Variants in MNT observed in about 807,000 individuals in gnomAD.
The protein encoded by MNT is max-binding protein MNT.
Under a neutral mutation model 40.7 loss-of-function variants are expected in MNT, and 13 were observed. That is an observed-to-expected ratio of 0.32 (90% CI 0.21 to 0.51). The LOEUF is 0.51. Ranked by LOEUF, MNT falls within the 20% of genes least tolerant of loss-of-function variation. The pLI, the probability that MNT is intolerant of heterozygous loss-of-function variation, is 0.98. For synonymous variants in MNT, 426 were observed against 354.8 expected, an observed-to-expected ratio of 1.20 and a Z score of -2.26; for missense variants, 757 against 792.0, an observed-to-expected ratio of 0.96 and a Z score of 0.53.
Position 2,400,690 on chromosome 17 carries a change from T to A in MNT, c.23A>T (p.Glu8Val). Reference protein sequence around the residue: MSIETLLEAARFLEWQAQ... With the variant: MSIETLLVAARFLEWQAQ... Reference sequence around the variant, plus strand: ...TTGCCATTCCAGGAAGCGGGCCGCCTCCAGTAGCGTCTCTATGCTCATCGC... The same window carrying A: ...TTGCCATTCCAGGAAGCGGGCCGCCACCAGTAGCGTCTCTATGCTCATCGC... The change falls in exon 1 of 6, where the codon GAG becomes GTG. Residue 8 changes from glutamate to valine, a missense_variant. By Grantham distance (121) the Glu-to-Val change is moderately radical. Coordinates refer to ENST00000174618, the MANE Select transcript of MNT (RefSeq NM_020310.3). 6.3e-7 allele frequency: 1 copy of A among 1,586,794 alleles called. No homozygotes were observed. Among genetic ancestry groups the A allele is most frequent in the Non-Finnish European group, 8.5e-7 (1 of 1,170,302 alleles).
At chr17:2,394,258 C>A in intron 3 of MNT, 47 bp downstream of exon 3, 1 of 1,570,518 alleles carries the variant, frequency 6.4e-7, no homozygotes, top group Non-Finnish European at 8.6e-7. Context: ...GGGCCCGGGT[C>A]GCGCGCGCAC....
chr17:2,391,550 A>G (rs1597417560), intron 4 of MNT: 1 of 151,992 alleles, frequency 6.6e-6, no homozygotes, highest in Non-Finnish European at 1.5e-5. Context: ...ATCTAAACCC[A>G]TTTCCTTTCT....
chr17:2,395,437 G>A lies in MNT; in HGVS notation c.91C>T (p.Arg31Cys), dbSNP rs767918041. 3.7e-6 allele frequency: 6 copies of A among 1,612,490 alleles called. No homozygotes were observed. Among genetic ancestry groups the A allele is most frequent in the Admixed American group, 1.7e-5 (1 of 59,988 alleles). Reference protein sequence around the residue: ...QRAREEQERLRLEQEREQEQK... With the variant: ...QRAREEQERLCLEQEREQEQK... ...TCCTGCTCTCGCTCCTGCTCCAAGC[G>A]AAGCCGCTCCTGCTCCTCTACACAG... Residue 31 changes from arginine (R) to cysteine (C), a missense_variant, in exon 2 of 6, where the codon CGC becomes TGC. Coordinates refer to ENST00000174618, the MANE Select transcript of MNT (RefSeq NM_020310.3).
At chr17:2,393,904 T>C in intron 4 of MNT, 139 bp downstream of exon 4, 1 of 451,930 alleles carries the variant, frequency 2.2e-6, no homozygotes, top group Non-Finnish European at 3.6e-6. Context: ...CCGGGCCATG[T>C]GCTCAGCGCC....
chr17:2,392,445 G>A (rs1485493496), intron 4 of MNT, among the ~76,000 whole-genome samples: 6 of 152,166 alleles, frequency 3.9e-5, no homozygotes, highest in South Asian at 2.1e-4. Flanking sequence ...GTTACGCAAG[G>A]CGCCCTCTGC....
In MNT at chr17:2,386,121, G is replaced by GAAGGAC. The variant is rs1437345139; in HGVS notation, c.*774_*779dup. 6.6e-6 allele frequency: 1 copy of GAAGGAC among 152,338 alleles called. No homozygotes were observed. The highest frequency in any genetic ancestry group is 1.5e-5 in the Non-Finnish European group (1 of 68,114). The allele number at this position is 152,338 out of a possible 1,614,324, so 9.4% of individuals were successfully genotyped here. A position where few individuals can be genotyped will look rare whatever the true frequency, so the allele number is the denominator to read the frequency against. ...CCAGGCTGCAGGGGACGGGGAAGGG[G>GAAGGAC]AAGGACAGCCAAGTCCCTCCTTCCC... On this transcript the variant is annotated 3_prime_UTR_variant, in exon 6 of 6. Transcript: ENST00000174618.
In MNT at chr17:2,387,637, T is replaced by C. The variant is rs559402666; in HGVS notation, c.1013A>G (p.Asn338Ser). The C allele has an allele frequency of 6.2e-7, 1 of 1,614,052 alleles. No homozygotes were observed. The highest frequency in any genetic ancestry group is 1.3e-5 in the African/African-American group (1 of 75,016). ...GTCCTCCTCCATATCCTCGTCTATG[T>C]TGTCCTCACCCTCTGTGGGGAACAT... ...STSTASEGED[N>S]IDEDMEEDRA... is the part of the protein sequence containing the mutation. Residue 338 changes from asparagine to serine, a missense_variant, in exon 6 of 6, where the codon AAC (asparagine) becomes AGC (serine). Coordinates refer to ENST00000174618, the MANE Select transcript of MNT (RefSeq NM_020310.3).
At chr17:2,394,009 G>A (rs1247263314) in intron 4 of MNT, 34 bp downstream of exon 4, 11 of 1,480,444 alleles carry the variant, frequency 7.4e-6, no homozygotes, top group East Asian at 2.7e-5. Flanking sequence ...GAGGGCGGGG[G>A]AAGCTGCGCG....
rs1377252012 is a variant in MNT, at chr17:2,400,718, C to G, written c.-6G>C. On this transcript the variant is annotated 5_prime_UTR_variant, in exon 1 of 6. Transcript: ENST00000174618. ...AGTAGCGTCTCTATGCTCATCGCGC[C>G]GAGAGCTGCCGGGGGCGCGCCGGGG... 1.3e-6 allele frequency: 2 copies of G among 1,552,396 alleles called. No homozygotes were observed. The highest frequency in any genetic ancestry group is 2.6e-5 in the East Asian group (1 of 38,544).
intron 1 of MNT, among the ~76,000 whole-genome samples, chr17:2,398,329 G>A (rs1178487993): frequency 5.9e-5 from 9 of 152,198 alleles, no homozygotes; most frequent in Non-Finnish European, 1.0e-4. Flanking sequence ...ACACATCTGC[G>A]GGGTCCTCAT....
At chr17:2,393,387 A>G (rs72805727) in intron 4 of MNT, among the ~76,000 whole-genome samples, 14,503 of 152,168 alleles carry the variant, frequency 0.095, 946 homozygotes, top group African/African-American at 0.18. Context: ...CCGAAAAAAG[A>G]GACACCCCCT....
rs539911054 is a variant in MNT at position 2,395,049 on chromosome 17, T to C, written c.479A>G (p.Asn160Ser). The C allele has an allele frequency of 1.5e-4, 237 of 1,573,214 alleles. 1 individual carries two copies. The East Asian group carries it at 5.0e-3, about 33-fold the overall frequency. Residue 160 changes from asparagine (N) to serine (S), a missense_variant, in exon 2 of 6, where the codon AAT becomes AGT. Physicochemically the swap from Asn to Ser is conservative, Grantham distance 46 (BLOSUM62 1). Transcript: ENST00000174618. ...GGGCTGCAAAGGCTTGGGGCTGCCA[T>C]TGGGTGGAATGGTGGCCTTCGAGTC... ...LPDSKATIPP[N>S]GSPKPLQPLP...
chr17:2,388,892 C>T (rs770881103), intron 4 of MNT, among the ~76,000 whole-genome samples: 2 of 152,186 alleles, frequency 1.3e-5, no homozygotes, highest in African/African-American at 4.8e-5. Context: ...CACCAGGCAA[C>T]GCCGACACGT....
In MNT at chr17:2,386,205, C is replaced by T. The variant is rs1057335125; in HGVS notation, c.*696G>A. On this transcript the variant is annotated 3_prime_UTR_variant, in exon 6 of 6. Transcript: ENST00000174618. ...AGTGGCAGGGATTGGGGTGAGGGCA[C>T]AGGAAGCTTGGCAGTGGCTGGGTTT... 3 of 152,292 alleles carry T rather than the reference C, an allele frequency of 2.0e-5. No homozygotes were observed. Among genetic ancestry groups the T allele is most frequent in the Non-Finnish European group, 4.4e-5 (3 of 68,090 alleles). The allele number at this position is 152,292 out of a possible 1,614,324, so 9.4% of individuals were successfully genotyped here. A position where few individuals can be genotyped will look rare whatever the true frequency, so the allele number is the denominator to read the frequency against.
At chr17:2,395,854 G>A (rs951120916) in intron 1 of MNT, among the ~76,000 whole-genome samples, 2 of 152,144 alleles carry the variant, frequency 1.3e-5, no homozygotes, top group African/African-American at 4.8e-5. Flanking sequence ...GGGCCGAGGT[G>A]GGAGAGGCGG....
rs761993579 is a variant in MNT, at chr17:2,394,039, A to G, written c.807+4T>C. The G allele has an allele frequency of 1.3e-6, 2 of 1,585,022 alleles. No homozygotes were observed. Among genetic ancestry groups the G allele is most frequent in the Non-Finnish European group, 1.7e-6 (2 of 1,167,760 alleles). ...TGCGCGACGCCGGCCTCCGGGCCCCATACCTGGATGTACCGCAGCGCCGTC... is the reference window on the plus strand; with the variant it reads ...TGCGCGACGCCGGCCTCCGGGCCCCGTACCTGGATGTACCGCAGCGCCGTC... On this transcript the variant is annotated splice_donor_region_variant and intron_variant, in intron 4 of 5. Coordinates refer to ENST00000174618, the MANE Select transcript of MNT (RefSeq NM_020310.3).
chr17:2,395,797 G>A (rs1456301110), intron 1 of MNT, among the ~76,000 whole-genome samples: 2 of 152,082 alleles, frequency 1.3e-5, no homozygotes, highest in African/African-American at 4.8e-5. Context: ...CCAGCCTGCA[G>A]GGTGAGGAGG....
At position 2,400,740 on chromosome 17, in the gene MNT, G is replaced by C; in HGVS notation, c.-28C>G. 1 of 1,515,738 alleles carries C rather than the reference G, an allele frequency of 6.6e-7. No homozygotes were observed. The highest frequency in any genetic ancestry group is 8.8e-7 in the Non-Finnish European group (1 of 1,138,244). The allele number at this position is 1,515,738 out of a possible 1,614,324, so 93.9% of individuals were successfully genotyped here. A position where few individuals can be genotyped will look rare whatever the true frequency, so the allele number is the denominator to read the frequency against. Reference sequence around the variant, plus strand: ...CGCCGAGAGCTGCCGGGGGCGCGCCGGGGCCGAGGCTGCGGCCCGCGAGCC... The same window carrying C: ...CGCCGAGAGCTGCCGGGGGCGCGCCCGGGCCGAGGCTGCGGCCCGCGAGCC... On this transcript the variant is annotated 5_prime_UTR_variant, in exon 1 of 6. Coordinates refer to ENST00000174618, the MANE Select transcript of MNT (RefSeq NM_020310.3).
At chr17:2,396,633 C>CAGGGGA (rs1448950787) in intron 1 of MNT, 1 of 152,654 alleles carries the variant, frequency 6.6e-6, no homozygotes, top group Non-Finnish European at 1.5e-5. Context: ...TGGCTGCCAA[C>CAGGGGA]AGGGGAAGGG....
Sources: gnomAD v4.1 joint callset for allele counts (sites outside exome capture counted in the v4.1 genomes callset) on GRCh38, gnomAD v4.1.1 for gene constraint, MANE v1.5 for transcripts, NCBI Gene and HGNC (gene_info 2026-07-23, HGNC 2026-07-21) for gene names.